Variants in NR1H4 observed in about 807,000 individuals in gnomAD.
NR1H4 encodes nuclear receptor subfamily 1 group H member 4, also known as bile acid receptor.
In NR1H4, 23 loss-of-function variants were observed where a neutral mutation model predicts 58.5. That is an observed-to-expected ratio of 0.39 (90% CI 0.28 to 0.56). The LOEUF is 0.56. NR1H4 is among the 20% of genes least tolerant of loss of function. NR1H4 has a pLI of 0.58. For missense variants in NR1H4, 487 were observed against 576.9 expected (o/e 0.84, Z 1.60); for synonymous variants, 214 against 198.0 (o/e 1.08, Z -0.68).
At chr12:100,483,682 TC>T (rs1428631463) in intron 1 of NR1H4, among the ~76,000 whole-genome samples, 1 of 152,154 alleles carries the variant, frequency 6.6e-6, no homozygotes, top group East Asian at 1.9e-4. Context: ...TTTCTCTTTT[TC>T]CTTAAGAATA....
intron 9 of NR1H4, among the ~76,000 whole-genome samples, chr12:100,542,330 G>A (rs1168028886): frequency 6.6e-6 from 1 of 152,020 alleles, no homozygotes; most frequent in Non-Finnish European, 1.5e-5. Context: ...CTGGGCAACA[G>A]AGTGAGACTC....
At chr12:100,492,941 TG>T (rs1953634841) in intron 2 of NR1H4, among the ~76,000 whole-genome samples, 1 of 152,126 alleles carries the variant, frequency 6.6e-6, no homozygotes, top group African/African-American at 2.4e-5. Context: ...CTTTTATATT[TG>T]TTTTTTTTTC....
At chr12:100,497,800 A>G (rs1593053180) in intron 3 of NR1H4, among the ~76,000 whole-genome samples, 1 of 152,266 alleles carries the variant, frequency 6.6e-6, no homozygotes, top group Admixed American at 6.5e-5. Context: ...ACCATCTGAC[A>G]TAGTGAATAA....
chr12:100,552,567 C>T (rs978946336), intron 9 of NR1H4, among the ~76,000 whole-genome samples: 7 of 152,154 alleles, frequency 4.6e-5, no homozygotes, highest in African/African-American at 1.4e-4. Context: ...ATTTAACATG[C>T]ATTTATTAAT....
intron 9 of NR1H4, among the ~76,000 whole-genome samples, chr12:100,554,842 G>T (rs1955287667): frequency 6.6e-6 from 1 of 152,196 alleles, no homozygotes; most frequent in African/African-American, 2.4e-5. Flanking sequence ...TCCAGTGTTA[G>T]AAATTGCTGG....
At position 100,503,755 on chromosome 12, in the gene NR1H4, T is replaced by G. The variant is rs140429588; in HGVS notation, c.80-7023T>G. 7.3e-3 allele frequency among the ~76,000 whole-genome samples: 1,105 copies of G among 152,332 alleles called. 44 individuals are homozygous for G. The highest frequency in any genetic ancestry group is 0.066 in the Admixed American group (1,006 of 15,296). On this transcript the variant is annotated intron_variant, in intron 3 of 10. Transcript: ENST00000392986. The stretch of plus-strand genomic sequence containing the variant: ...CTCTTATGTCAAATTATCACTATTC[T>G]TCCAAACCAAACATTAGACAATTCT...
chr12:100,543,992 C>T (rs569799265), intron 9 of NR1H4, among the ~76,000 whole-genome samples: 1 of 152,258 alleles, frequency 6.6e-6, no homozygotes, highest in Non-Finnish European at 1.5e-5. Context: ...GTGGCTCACG[C>T]CTCTAATCCC....
chr12:100,539,708 A>G (rs141025807), intron 8 of NR1H4, among the ~76,000 whole-genome samples: 1 of 152,368 alleles, frequency 6.6e-6, no homozygotes, highest in Non-Finnish European at 1.5e-5. Flanking sequence ...GTAAAGAAAA[A>G]CAAGGCCTCT....
At chr12:100,561,332 A>G (rs1955468165) in intron 9 of NR1H4, among the ~76,000 whole-genome samples, 1 of 152,100 alleles carries the variant, frequency 6.6e-6, no homozygotes, top group Admixed American at 6.6e-5. Context: ...CGGGAGGCGG[A>G]GCTTGCTGTA....
chr12:100,555,450 A>G (rs1278758044), intron 9 of NR1H4, among the ~76,000 whole-genome samples: 3 of 152,236 alleles, frequency 2.0e-5, no homozygotes, highest in Non-Finnish European at 2.9e-5. Context: ...AGTAATTTGC[A>G]GAATTTGTTG....
At chr12:100,511,759 TA>T (rs1330075065) in intron 4 of NR1H4, among the ~76,000 whole-genome samples, 1 of 151,762 alleles carries the variant, frequency 6.6e-6, no homozygotes, top group African/African-American at 2.4e-5. Flanking sequence ...TCGTCTCTAC[TA>T]AAAATACAAA....
chr12:100,496,800 C>T (rs1222389988), intron 3 of NR1H4, among the ~76,000 whole-genome samples: 1 of 152,038 alleles, frequency 6.6e-6, no homozygotes, highest in Non-Finnish European at 1.5e-5. Context: ...TAGAAGGTGA[C>T]CTGAAGACAA....
chr12:100,534,989 T>TG lies in NR1H4; in HGVS notation c.699dup (p.Arg234AlafsTer15). ...AATGAAGACAGTGAAGGTCGTGACT[T>TG]GCGACAAGTGACCTCGACAACAAAG... On this transcript the variant is annotated frameshift_variant, in exon 6 of 11. Transcript: ENST00000392986. LOFTEE classifies it high-confidence loss of function. 1 of 1,614,208 alleles carries TG rather than the reference T, an allele frequency of 6.2e-7. No homozygotes were observed. The highest frequency in any genetic ancestry group is 8.5e-7 in the Non-Finnish European group (1 of 1,180,032).
chr12:100,488,993 A>G (rs977278638), intron 1 of NR1H4, among the ~76,000 whole-genome samples: 2 of 152,220 alleles, frequency 1.3e-5, no homozygotes, highest in Admixed American at 1.3e-4. Flanking sequence ...AAAAAAGACT[A>G]TAGAGCTAAA....
intron 9 of NR1H4, among the ~76,000 whole-genome samples, chr12:100,559,668 C>T (rs1475751171): frequency 3.3e-5 from 5 of 152,240 alleles, no homozygotes; most frequent in African/African-American, 9.6e-5. Flanking sequence ...CTCCCACCCA[C>T]TCCATGGGCT....
chr12:100,543,990 C>T (rs377437064), intron 9 of NR1H4, among the ~76,000 whole-genome samples: 61 of 152,230 alleles, frequency 4.0e-4, no homozygotes, highest in African/African-American at 1.3e-3. Context: ...CGGTGGCTCA[C>T]GCCTCTAATC....
chr12:100,551,222 G>A (rs1955196170), intron 9 of NR1H4, among the ~76,000 whole-genome samples: 1 of 152,216 alleles, frequency 6.6e-6, no homozygotes, highest in Admixed American at 6.5e-5. Context: ...GTGATCAAAT[G>A]AATAGACAAT....
chr12:100,522,531 C>G (rs1447550186), intron 4 of NR1H4, among the ~76,000 whole-genome samples: 1 of 151,634 alleles, frequency 6.6e-6, no homozygotes, highest in Non-Finnish European at 1.5e-5. Context: ...GTACCTGGCA[C>G]TCTTTTTAAA....
intron 8 of NR1H4, among the ~76,000 whole-genome samples, chr12:100,538,498 A>C (rs1371356012): frequency 2.0e-5 from 3 of 152,230 alleles, no homozygotes; most frequent in African/African-American, 7.2e-5. Flanking sequence ...GTGCCAGTAT[A>C]GAAACTAGAA....
Sources: gnomAD v4.1 joint callset for allele counts (sites outside exome capture counted in the v4.1 genomes callset) on GRCh38, gnomAD v4.1.1 for gene constraint, MANE v1.5 for transcripts, NCBI Gene and HGNC (gene_info 2026-07-23, HGNC 2026-07-21) for gene names.